Variants in RNF14 observed in about 807,000 individuals in gnomAD.
RNF14 encodes the protein ring finger protein 14.
RNF14 carries 26 observed loss-of-function variants against 52.6 expected under a neutral mutation model. That is an observed-to-expected ratio of 0.49 (90% confidence interval 0.36 to 0.69). The LOEUF is 0.69. Among genes scored for constraint, RNF14 ranks in the 30% least tolerant of loss-of-function variants. The probability of loss-of-function intolerance (pLI) is 0.00; values close to 1 mark genes in which losing one functional copy is unlikely to be tolerated. For missense variants in RNF14, 404 were observed against 560.4 expected (o/e 0.72, Z 2.82); for synonymous variants, 194 against 202.0 (o/e 0.96, Z 0.34).
upstream of RNF14, among the ~76,000 whole-genome samples, chr5:141,963,835 C>A (rs1306854556): frequency 6.6e-6 from 1 of 152,146 alleles, no homozygotes. Flanking sequence ...GTCTTCCCAT[C>A]GTTACATAAA....
At chr5:141,951,466 T>A in the RNF14 span, 5 of 1,573,964 alleles carry the variant, frequency 3.2e-6, no homozygotes, top group Non-Finnish European at 4.4e-6. Flanking sequence ...GGCCTTGAGA[T>A]GCCTGTGGGG....
chr5:141,958,340 C>CAG, exon 1 of RNF14: 1 of 157,510 alleles, frequency 6.3e-6, no homozygotes, highest in South Asian at 1.9e-4. Context: ...AGGATGAGGC[C>CAG]GGGGCTCCGG....
At chr5:141,956,547 T>C, upstream of RNF14, 1 of 1,614,220 alleles carries the variant, frequency 6.2e-7, no homozygotes, top group African/African-American at 1.3e-5. Flanking sequence ...GCTGGAGTCC[T>C]TGGTCTTGGG....
the RNF14 span, chr5:141,951,513 C>T: frequency 1.2e-6 from 2 of 1,614,054 alleles, no homozygotes; most frequent in Admixed American, 3.3e-5. Context: ...CTGGCTTGGC[C>T]AAGTACTTAT....
chr5:141,973,225 CTG>C lies in RNF14; in HGVS notation c.-6-355_-6-354del, dbSNP rs571069203. ...TTGTGCCATTAAGCTTTTTCCACCT[CTG>C]TGCATTTTCTTTTCTTTTTTTTTTT... On this transcript the variant is annotated intron_variant, in intron 2 of 8. Transcript: ENST00000394520. Among the ~76,000 whole-genome samples the C allele has an allele frequency of 6.4e-4, 95 of 148,096 alleles. 1 individual carries two copies. In the South Asian group the frequency reaches 0.016, roughly 24 times the overall value.
At chr5:141,954,289 G>A (rs1753139050), upstream of RNF14, among the ~76,000 whole-genome samples, 1 of 152,172 alleles carries the variant, frequency 6.6e-6, no homozygotes, top group Admixed American at 6.5e-5. Flanking sequence ...CAAATTATTT[G>A]CAACACCTGG....
upstream of RNF14, among the ~76,000 whole-genome samples, chr5:141,967,804 C>T (rs771604097): frequency 3.3e-5 from 5 of 152,200 alleles, no homozygotes; most frequent in Non-Finnish European, 7.3e-5. Flanking sequence ...GCGCTGAGAA[C>T]GGTGCTTTGT....
intron 1 of RNF14, among the ~76,000 whole-genome samples, chr5:141,960,733 A>C (rs967670389): frequency 6.6e-6 from 1 of 152,204 alleles, no homozygotes. Flanking sequence ...GAAGATGCTG[A>C]GCACACAGCG....
chr5:141,981,201 T>C (rs1206835904), intron 6 of RNF14, among the ~76,000 whole-genome samples: 1 of 152,230 alleles, frequency 6.6e-6, no homozygotes, highest in Non-Finnish European at 1.5e-5. Context: ...AAAATTGTTA[T>C]ATTTGTTACA....
upstream of RNF14, chr5:141,956,755 G>A: frequency 6.2e-7 from 1 of 1,614,254 alleles, no homozygotes; most frequent in South Asian, 1.1e-5. Flanking sequence ...CTTGGGAAGA[G>A]CTTCTGACAC....
chr5:141,950,501 C>T, the RNF14 span, among the ~76,000 whole-genome samples: 1 of 152,148 alleles, frequency 6.6e-6, no homozygotes, highest in African/African-American at 2.4e-5. Flanking sequence ...ACCTTCCACA[C>T]CTGTAAGGGG....
chr5:141,982,710 G>A (rs1236753973), intron 6 of RNF14: 1 of 149,842 alleles, frequency 6.7e-6, no homozygotes, highest in Non-Finnish European at 1.5e-5. Flanking sequence ...ATAGTACGGG[G>A]TGAGACTTGG....
intron 4 of RNF14, among the ~76,000 whole-genome samples, chr5:141,976,991 A>G (rs1281925858): frequency 1.3e-5 from 2 of 152,084 alleles, no homozygotes; most frequent in South Asian, 2.1e-4. Flanking sequence ...GGGTTTCACC[A>G]TGTTGGCCAG....
upstream of RNF14, among the ~76,000 whole-genome samples, chr5:141,964,819 G>C (rs1445251251): frequency 2.0e-5 from 3 of 148,392 alleles, no homozygotes; most frequent in Admixed American, 2.0e-4. Context: ...TAGAAGCAGG[G>C]TTTCACCACA....
At chr5:141,954,853 G>A, upstream of RNF14, 1 of 1,328,488 alleles carries the variant, frequency 7.5e-7, no homozygotes, top group South Asian at 1.4e-5. Context: ...CAAAGCATCA[G>A]AAAGTGCCAG....
Position 141,974,972 on chromosome 5 carries a change from A to C in RNF14, c.306+17A>C. On this transcript the variant is annotated intron_variant, in intron 4 of 8. Transcript: ENST00000394520. ...CCAACTCAGGTTAGACTTGAAACTT[A>C]ATTTTTCCTATCCATTTTTAGAAAC... is the stretch of plus-strand genomic sequence containing the variant. 2 of 1,609,396 alleles carry C rather than the reference A, an allele frequency of 1.2e-6. No individual in the cohort carries two copies. The highest frequency in any genetic ancestry group is 1.7e-6 in the Non-Finnish European group (2 of 1,178,406).
At chr5:141,949,445 C>T in the RNF14 span, 1 of 1,613,504 alleles carries the variant, frequency 6.2e-7, no homozygotes, top group Non-Finnish European at 8.5e-7. Context: ...TGCTGGGGTC[C>T]AGCAGACTTG....
At chr5:141,955,392 C>G, upstream of RNF14, 1 of 1,613,938 alleles carries the variant, frequency 6.2e-7, no homozygotes, top group Non-Finnish European at 8.5e-7. This position sits in a 1 kb window ranked among gnomAD's most constrained non-coding sequence, Gnocchi z 5.5. Context: ...TGTACAGGGT[C>G]GGGGTGAGGT....
At chr5:141,952,257 C>T in the RNF14 span, among the ~76,000 whole-genome samples, 3 of 152,224 alleles carry the variant, frequency 2.0e-5, no homozygotes, top group African/African-American at 7.2e-5. Context: ...CAGGGGTTGC[C>T]TCTGGGCATA....
Sources: gnomAD v4.1 joint callset for allele counts (sites outside exome capture counted in the v4.1 genomes callset) on GRCh38, gnomAD v4.1.1 for gene constraint, Gnocchi (gnomAD v3.1) non-coding constraint, MANE v1.5 for transcripts, NCBI Gene and HGNC (gene_info 2026-07-23, HGNC 2026-07-21) for gene names.